PDK1: variants seen among roughly 807,000 people sequenced by gnomAD.
The protein encoded by PDK1 is pyruvate dehydrogenase kinase 1, also known as [Pyruvate dehydrogenase (acetyl-transferring)] kinase isozyme 1, mitochondrial.
Under a neutral mutation model 54.2 loss-of-function variants are expected in PDK1, and 39 were observed. The ratio of observed to expected loss-of-function variants is 0.72; its 90% CI spans 0.56 to 0.94. The LOEUF (loss-of-function observed/expected upper bound fraction) is 0.94. Among genes scored for constraint, PDK1 ranks in the 40% least tolerant of loss-of-function variants. The pLI is 0.00. For missense variants in PDK1, 552 were observed against 566.0 expected (o/e 0.98, Z 0.25); for synonymous variants, 221 against 207.1 (o/e 1.07, Z -0.58).
chr2:172,627,028 A>T, the PDK1 span, among the ~76,000 whole-genome samples: 2 of 152,212 alleles, frequency 1.3e-5, no homozygotes, highest in Non-Finnish European at 2.9e-5. Context: ...AGAAAAAAAG[A>T]GGGGAGAGAA....
At chr2:172,655,841 T>A in the PDK1 span, among the ~76,000 whole-genome samples, 1 of 152,236 alleles carries the variant, frequency 6.6e-6, no homozygotes, top group Non-Finnish European at 1.5e-5. Context: ...GACAGCTCTC[T>A]GTATCCCAAA....
At chr2:172,570,913 A>T in intron 8 of PDK1, 89 bp downstream of exon 8, 1 of 719,892 alleles carries the variant, frequency 1.4e-6, no homozygotes. Context: ...TAATTTCTAA[A>T]AGACATAATC....
the PDK1 span, among the ~76,000 whole-genome samples, chr2:172,615,344 C>T: frequency 6.6e-6 from 1 of 152,216 alleles, no homozygotes; most frequent in East Asian, 1.9e-4. Flanking sequence ...ATGATAGAGG[C>T]CAGGCATAGT....
chr2:172,557,087 A>G (rs1356342270), intron 1 of PDK1, among the ~76,000 whole-genome samples: 1 of 152,240 alleles, frequency 6.6e-6, no homozygotes, highest in Non-Finnish European at 1.5e-5. Flanking sequence ...TACAAAGGTT[A>G]TCTTCTGCAT....
At chr2:172,673,292 G>T in the PDK1 span, among the ~76,000 whole-genome samples, 1 of 152,076 alleles carries the variant, frequency 6.6e-6, no homozygotes, top group Non-Finnish European at 1.5e-5. Flanking sequence ...GGAGTTGTAC[G>T]CATGTTCAAT....
chr2:172,687,049 TAAG>T, the PDK1 span, among the ~76,000 whole-genome samples: 9 of 152,192 alleles, frequency 5.9e-5, no homozygotes, highest in African/African-American at 2.2e-4. Flanking sequence ...AGCTCATTCA[TAAG>T]AAGTATTTAA....
At chr2:172,567,527 G>A (rs900078509) in intron 6 of PDK1, among the ~76,000 whole-genome samples, 8 of 152,196 alleles carry the variant, frequency 5.3e-5, no homozygotes, top group Non-Finnish European at 1.0e-4. Context: ...AAGAAGGTGT[G>A]GGAAGAATAA....
the PDK1 span, chr2:172,674,204 C>G: frequency 6.6e-6 from 1 of 152,650 alleles, no homozygotes; most frequent in Admixed American, 6.5e-5. Flanking sequence ...CCGCAGGTGG[C>G]GCAGTTAGCT....
At chr2:172,668,865 A>G in the PDK1 span, among the ~76,000 whole-genome samples, 2 of 128,574 alleles carry the variant, frequency 1.6e-5, no homozygotes, top group Non-Finnish European at 3.2e-5. Context: ...ATATATATGT[A>G]TGTATGTACA....
chr2:172,675,069 C>T, the PDK1 span, among the ~76,000 whole-genome samples: 1 of 152,316 alleles, frequency 6.6e-6, no homozygotes, highest in South Asian at 2.1e-4. Context: ...TGGGGAACCA[C>T]GAAGCACGCT....
At chr2:172,690,482 C>G in the PDK1 span, among the ~76,000 whole-genome samples, 2 of 150,134 alleles carry the variant, frequency 1.3e-5, no homozygotes, top group African/African-American at 4.8e-5. Flanking sequence ...ACCACTTGAC[C>G]CAGCAATCCC....
At chr2:172,594,539 A>G (rs1348799138) in intron 10 of PDK1, among the ~76,000 whole-genome samples, 2 of 152,210 alleles carry the variant, frequency 1.3e-5, no homozygotes, top group African/African-American at 2.4e-5. Flanking sequence ...ATTCAAAGCC[A>G]TCCTGGGCCG....
At chr2:172,640,217 T>A in the PDK1 span, among the ~76,000 whole-genome samples, 1 of 152,240 alleles carries the variant, frequency 6.6e-6, no homozygotes, top group Non-Finnish European at 1.5e-5. Flanking sequence ...GGGTACTTAC[T>A]GGAGAATGTA....
chr2:172,684,044 T>C, the PDK1 span, among the ~76,000 whole-genome samples: 1 of 152,166 alleles, frequency 6.6e-6, no homozygotes, highest in Non-Finnish European at 1.5e-5. Flanking sequence ...AAATGGTAAG[T>C]TGGGAAATAT....
chr2:172,636,368 AGAG>A, the PDK1 span, among the ~76,000 whole-genome samples: 2 of 152,200 alleles, frequency 1.3e-5, no homozygotes, highest in East Asian at 3.9e-4. Context: ...GGCGGGAGAG[AGAG>A]GGGGAGGAAG....
At chr2:172,716,722 A>G in the PDK1 span, among the ~76,000 whole-genome samples, 1 of 152,220 alleles carries the variant, frequency 6.6e-6, no homozygotes. Context: ...TTTCAGATTT[A>G]CTTCTACCTG....
Position 172,606,088 on chromosome 2 carries a change from T to G in PDK1, c.*10119T>G, listed in dbSNP as rs892586065. 2 of 152,240 alleles carry G rather than the reference T, an allele frequency of 1.3e-5. No homozygotes were observed. Among genetic ancestry groups the G allele is most frequent in the Non-Finnish European group, 2.9e-5 (2 of 68,062 alleles). The allele number at this position is 152,240 out of a possible 1,614,324, so 9.4% of individuals were successfully genotyped here. ...TGGCATCACTGGGTCCTCTCTTGGA[T>G]AGCATAGTCCTATGACCAAATGGGT... On this transcript the variant is annotated 3_prime_UTR_variant, in exon 11 of 11. Coordinates refer to ENST00000282077, the MANE Select transcript of PDK1 (RefSeq NM_002610.5).
the PDK1 span, among the ~76,000 whole-genome samples, chr2:172,672,474 CA>C: frequency 6.6e-6 from 1 of 152,110 alleles, no homozygotes; most frequent in Non-Finnish European, 1.5e-5. Context: ...ATAATGACCC[CA>C]AAAGGCTGCT....
intron 8 of PDK1, 68 bp downstream of exon 8, chr2:172,570,892 A>G: frequency 1.2e-6 from 1 of 836,130 alleles, no homozygotes; most frequent in Non-Finnish European, 2.0e-6. Flanking sequence ...ATGCAAAGGT[A>G]ACCATACGCA....
Sources: allele counts gnomAD v4.1 joint callset (sites outside exome capture counted in the v4.1 genomes callset), GRCh38; gene constraint gnomAD v4.1.1; transcripts MANE v1.5; gene names NCBI Gene and HGNC (gene_info 2026-07-23, HGNC 2026-07-21).